Variants in KCNS3 observed in about 807,000 individuals in gnomAD.
KCNS3 encodes the protein potassium voltage-gated channel modifier subfamily S member 3.
Under a neutral mutation model 31.0 loss-of-function variants are expected in KCNS3, and 13 were observed. The ratio of observed to expected loss-of-function variants is 0.42; its 90% CI spans 0.27 to 0.67. The LOEUF is 0.67. Among genes scored for constraint, KCNS3 ranks in the 30% least tolerant of loss-of-function variants. KCNS3 has a pLI of 0.25. For synonymous variants in KCNS3, 238 were observed against 241.5 expected, an observed-to-expected ratio of 0.99 and a Z score of 0.13; for missense variants, 545 against 622.4, an observed-to-expected ratio of 0.88 and a Z score of 1.32.
At chr2:17,922,378 A>T (rs1662739002) in intron 2 of KCNS3, among the ~76,000 whole-genome samples, 1 of 152,060 alleles carries the variant, frequency 6.6e-6, no homozygotes, top group South Asian at 2.1e-4. Flanking sequence ...TTATAATTTT[A>T]AAAAATGATA....
chr2:17,930,335 G>C (rs1001318393), intron 2 of KCNS3, among the ~76,000 whole-genome samples: 2 of 152,204 alleles, frequency 1.3e-5, no homozygotes, highest in Non-Finnish European at 2.9e-5. Context: ...CTTAAGCACA[G>C]GGAGATAATT....
chr2:17,928,669 CT>C (rs35071705), intron 2 of KCNS3, among the ~76,000 whole-genome samples: 101,791 of 148,322 alleles, frequency 0.69, 35,290 homozygotes, highest in East Asian at 0.98. Context: ...TTATTATTTC[CT>C]TTTTTTTTTT....
At chr2:17,881,766 C>T (rs1009955213) in intron 1 of KCNS3, among the ~76,000 whole-genome samples, 3 of 152,152 alleles carry the variant, frequency 2.0e-5, no homozygotes, top group Admixed American at 6.5e-5. Flanking sequence ...AGTGGGATCT[C>T]GGACTACATT....
At chr2:17,877,944 T>C (rs2125227300), upstream of KCNS3, 1 of 152,420 alleles carries the variant, frequency 6.6e-6, no homozygotes, top group South Asian at 2.1e-4. Context: ...GTCCCCTGAC[T>C]TCCTCTTCCA....
chr2:17,930,093 A>T (rs552991324), intron 2 of KCNS3, among the ~76,000 whole-genome samples: 54 of 152,314 alleles, frequency 3.5e-4, no homozygotes, highest in Admixed American at 1.6e-3. Flanking sequence ...AGAACTAAAA[A>T]CAGGCCACGT....
intron 1 of KCNS3, among the ~76,000 whole-genome samples, chr2:17,885,533 C>T (rs1392767609): frequency 1.3e-5 from 2 of 152,144 alleles, no homozygotes; most frequent in Admixed American, 6.5e-5. Context: ...AGGCTGGAAA[C>T]CCAGGAGAGC....
chr2:17,891,385 A>G (rs1191172376), intron 1 of KCNS3, among the ~76,000 whole-genome samples: 3 of 152,218 alleles, frequency 2.0e-5, no homozygotes, highest in Admixed American at 6.5e-5. Flanking sequence ...TAAGTGGAGC[A>G]TTTAGGTCAT....
At chr2:17,887,528 T>TA (rs1661697181) in intron 1 of KCNS3, among the ~76,000 whole-genome samples, 1 of 151,960 alleles carries the variant, frequency 6.6e-6, no homozygotes, top group Non-Finnish European at 1.5e-5. Context: ...TCTATCTATC[T>TA]ATCTCTGTAT....
chr2:17,887,950 T>G (rs1661721201), intron 1 of KCNS3, among the ~76,000 whole-genome samples: 1 of 152,224 alleles, frequency 6.6e-6, no homozygotes, highest in Non-Finnish European at 1.5e-5. Context: ...TTTCATATGT[T>G]TGTTGGCCAT....
At chr2:17,892,496 G>T (rs576016479) in intron 1 of KCNS3, among the ~76,000 whole-genome samples, 2 of 152,154 alleles carry the variant, frequency 1.3e-5, no homozygotes, top group East Asian at 3.9e-4. Flanking sequence ...TTTTTGGGGG[G>T]TGTTGAAGAG....
chr2:17,917,544 C>G (rs3810836), intron 1 of KCNS3, 136 bp from the exon 2 acceptor site: 2 of 152,142 alleles, frequency 1.3e-5, no homozygotes, highest in East Asian at 1.9e-4. Context: ...GACCACCCCC[C>G]ACTTGCTGAG....
rs150341444 is a variant in KCNS3 at position 17,925,625 on chromosome 2, A to G, written c.-59-5325A>G. ...AAGAGAGAGTGGCGAGAGAAGGGAAAAGAGCTTTTTATCAACCATCAGACC... is the reference window on the plus strand; with the variant it reads ...AAGAGAGAGTGGCGAGAGAAGGGAAGAGAGCTTTTTATCAACCATCAGACC... On this transcript the variant is annotated intron_variant, in intron 2 of 2. Transcript: ENST00000304101. Among the ~76,000 whole-genome samples the G allele has an allele frequency of 5.6e-3, 860 of 152,234 alleles. 5 individuals carry two copies. The highest frequency in any genetic ancestry group is 0.019 in the African/African-American group (783 of 41,544).
intron 1 of KCNS3, among the ~76,000 whole-genome samples, chr2:17,905,600 T>C (rs980337694): frequency 2.6e-5 from 4 of 152,212 alleles, no homozygotes; most frequent in Non-Finnish European, 5.9e-5. Context: ...TGTGGGTTTG[T>C]CATAAATAGC....
At chr2:17,900,520 C>T (rs1198600037) in intron 1 of KCNS3, among the ~76,000 whole-genome samples, 5 of 152,042 alleles carry the variant, frequency 3.3e-5, no homozygotes, top group African/African-American at 4.8e-5. Flanking sequence ...GATGGAGTCT[C>T]GCTGTGTCGC....
intron 1 of KCNS3, among the ~76,000 whole-genome samples, chr2:17,892,508 C>G (rs1299222120): frequency 2.0e-5 from 3 of 151,976 alleles, no homozygotes; most frequent in African/African-American, 7.3e-5. Context: ...GTTGAAGAGC[C>G]TTGTTTTGTT....
Position 17,884,264 on chromosome 2 carries a change from A to ATATATATAT in KCNS3, c.-252+5458_-252+5459insTATATATAT, listed in dbSNP as rs1553340988. ...AGAACTTAAAGTATAATTAAAAAAA[A>ATATATATAT]AAAAATATATATATATATATATATA... On this transcript the variant is annotated intron_variant, in intron 1 of 2. Transcript: ENST00000304101. Among the ~76,000 whole-genome samples, 312 of 47,620 alleles carry ATATATATAT rather than the reference A, an allele frequency of 6.6e-3. 1 individual carries two copies. The highest frequency in any genetic ancestry group is 0.011 in the Non-Finnish European group (237 of 21,962). 31.2% of individuals were successfully genotyped at this position (47,620 alleles called of 152,430 possible).
intron 1 of KCNS3, among the ~76,000 whole-genome samples, chr2:17,915,985 A>G (rs1356102923): frequency 1.3e-5 from 2 of 152,060 alleles, no homozygotes; most frequent in African/African-American, 4.8e-5. Context: ...CAGTGCTATA[A>G]AAAGGATACA....
intron 2 of KCNS3, among the ~76,000 whole-genome samples, chr2:17,923,830 T>C (rs1662775416): frequency 6.6e-6 from 1 of 151,894 alleles, no homozygotes; most frequent in Non-Finnish European, 1.5e-5. Context: ...TTTTGACAAG[T>C]GTGTCAAGAA....
chr2:17,906,496 C>A (rs1662319816), intron 1 of KCNS3, among the ~76,000 whole-genome samples: 1 of 152,180 alleles, frequency 6.6e-6, no homozygotes, highest in African/African-American at 2.4e-5. Flanking sequence ...TTCTTGCCTT[C>A]TGCTAGCTTT....
Sources: allele counts gnomAD v4.1 joint callset (sites outside exome capture counted in the v4.1 genomes callset), GRCh38; gene constraint gnomAD v4.1.1; transcripts MANE v1.5; gene names NCBI Gene and HGNC (gene_info 2026-07-23, HGNC 2026-07-21).